VPS13B: variants seen among roughly 807,000 people sequenced by gnomAD.
VPS13B encodes the protein vacuolar protein sorting 13 homolog B.
A neutral mutation model predicts 426.4 loss-of-function variants in VPS13B; 285 were observed. The observed-to-expected ratio is 0.67, with a 90% CI of 0.61 to 0.74. The LOEUF (loss-of-function observed/expected upper bound fraction) is 0.74, where lower values mean the gene tolerates loss of function less well. VPS13B is among the 30% of genes least tolerant of loss of function. The pLI, the probability that VPS13B is intolerant of heterozygous loss-of-function variation, is 0.00. For missense variants in VPS13B, 4,537 were observed against 4,782.6 expected, an observed-to-expected ratio of 0.95 and a Z score of 1.51; for synonymous variants, 1,676 against 1,676.4, an observed-to-expected ratio of 1.00 and a Z score of 0.01.
intron 33 of VPS13B, among the ~76,000 whole-genome samples, chr8:99,633,751 TTTC>T (rs1321172333): frequency 7.9e-5 from 12 of 151,504 alleles, no homozygotes; most frequent in African/African-American, 2.9e-4. Context: ...CAGGTTGTTG[TTTC>T]TTATGTAGAG....
At position 99,511,431 on chromosome 8, in the gene VPS13B, A is replaced by G. The variant is rs760899771; in HGVS notation, c.4552A>G (p.Asn1518Asp). ...GAGGACCCATACACTGACATCCCGC[A>G]ATTTACCTTTGATTTATGTCAACAC... ...PMRTHTLTSR[N>D]LPLIYVNTSV... Residue 1518 changes from asparagine (N) to aspartate (D), a missense_variant, in exon 29 of 62, where the codon AAT (asparagine) becomes GAT (aspartate). Physicochemically the swap from Asn to Asp is conservative, Grantham distance 23 (BLOSUM62 1). Coordinates refer to ENST00000357162, the MANE Select transcript of VPS13B (RefSeq NM_152564.5). The G allele has an allele frequency of 2.5e-6, 4 of 1,613,410 alleles. No homozygotes were observed. The highest frequency in any genetic ancestry group is 3.4e-6 in the Non-Finnish European group (4 of 1,179,894).
rs546463965 is a variant in VPS13B at position 99,294,154 on chromosome 8, T to C, written c.2824+18900T>C. 4.5e-5 allele frequency among the ~76,000 whole-genome samples: 3 copies of C among 66,330 alleles called. 1 individual carries two copies. The East Asian group carries it at 8.0e-4, about 18-fold the overall frequency. 43.5% of individuals were successfully genotyped at this position (66,330 alleles called of 152,430 possible). The stretch of plus-strand genomic sequence containing the variant: ...TGGAACCAACCCAAATGTCCAACAA[T>C]GATAGACTGGATTAAGAAAATATGG... On this transcript the variant is annotated intron_variant, in intron 19 of 61. Coordinates refer to ENST00000357162, the MANE Select transcript of VPS13B (RefSeq NM_152564.5).
chr8:99,183,566 G>A (rs1157863541), intron 16 of VPS13B, among the ~76,000 whole-genome samples: 1 of 152,006 alleles, frequency 6.6e-6, no homozygotes, highest in Non-Finnish European at 1.5e-5. Flanking sequence ...GTGTAGCATC[G>A]AATAGTATCT....
At chr8:99,035,821 A>C (rs1298192340) in intron 2 of VPS13B, among the ~76,000 whole-genome samples, 1 of 152,066 alleles carries the variant, frequency 6.6e-6, no homozygotes, top group African/African-American at 2.4e-5. Flanking sequence ...CTCAACACTT[A>C]CTATGTTTTT....
chr8:99,272,331 C>G (rs770781347), intron 17 of VPS13B, among the ~76,000 whole-genome samples: 8 of 152,126 alleles, frequency 5.3e-5, no homozygotes, highest in Non-Finnish European at 1.2e-4. Context: ...CTAGATCTTT[C>G]ACATAGCAAC....
intron 24 of VPS13B, among the ~76,000 whole-genome samples, chr8:99,478,939 G>A (rs946526994): frequency 1.3e-5 from 2 of 151,832 alleles, no homozygotes; most frequent in African/African-American, 2.4e-5. Flanking sequence ...AGAGCTCTCT[G>A]CATTGTTCAA....
intron 24 of VPS13B, among the ~76,000 whole-genome samples, chr8:99,472,123 A>C (rs892360341): frequency 1.3e-5 from 2 of 152,150 alleles, no homozygotes; most frequent in Admixed American, 1.3e-4. Flanking sequence ...AACAGAATTA[A>C]GGGAAAAAGA....
intron 21 of VPS13B, among the ~76,000 whole-genome samples, chr8:99,404,764 A>G (rs1815236571): frequency 6.6e-6 from 1 of 152,200 alleles, no homozygotes; most frequent in Non-Finnish European, 1.5e-5. Context: ...AAAACACCTA[A>G]GTTTTTATCT....
chr8:99,087,994 G>A (rs977194622), intron 3 of VPS13B, among the ~76,000 whole-genome samples: 1 of 151,852 alleles, frequency 6.6e-6, no homozygotes, highest in African/African-American at 2.4e-5. Context: ...GACCAGCCTG[G>A]CCAATATGGT....
chr8:99,164,764 C>G (rs1263603825), intron 15 of VPS13B, among the ~76,000 whole-genome samples: 4 of 151,970 alleles, frequency 2.6e-5, no homozygotes, highest in African/African-American at 9.7e-5. Context: ...CTGTGTCTGT[C>G]CCTCTTTCTC....
In VPS13B at chr8:99,114,701, T is replaced by C. The variant is rs1286760377; in HGVS notation, c.763-999T>C. On this transcript the variant is annotated intron_variant, in intron 6 of 61. Coordinates refer to ENST00000357162, the MANE Select transcript of VPS13B (RefSeq NM_152564.5). ...AAAGCTTGTGCTCATATTTGAAATATGGTATTTCACAGTCCCCCCATATAG... is the reference window on the plus strand; with the variant it reads ...AAAGCTTGTGCTCATATTTGAAATACGGTATTTCACAGTCCCCCCATATAG... 2.6e-5 allele frequency among the ~76,000 whole-genome samples: 4 copies of C among 152,368 alleles called. No individual in the cohort carries two copies. The East Asian group carries it at 5.8e-4, about 22-fold the overall frequency.
intron 39 of VPS13B, among the ~76,000 whole-genome samples, chr8:99,757,164 C>A (rs996544506): frequency 4.6e-5 from 7 of 152,152 alleles, no homozygotes; most frequent in African/African-American, 1.7e-4. Flanking sequence ...CAATTTGGCA[C>A]CCTGGGAAGT....
intron 25 of VPS13B, among the ~76,000 whole-genome samples, chr8:99,500,701 A>G (rs893643629): frequency 6.6e-6 from 1 of 152,186 alleles, no homozygotes; most frequent in African/African-American, 2.4e-5. Context: ...TTCAGAGTAT[A>G]TGGGTTTAAG....
At chr8:99,506,091 G>A (rs547411840) in intron 27 of VPS13B, among the ~76,000 whole-genome samples, 27 of 152,010 alleles carry the variant, frequency 1.8e-4, no homozygotes, top group African/African-American at 4.6e-4. Context: ...TGCTGTATAC[G>A]TCCCATCCAT....
intron 19 of VPS13B, among the ~76,000 whole-genome samples, chr8:99,352,422 A>C (rs1311078190): frequency 2.0e-5 from 3 of 152,184 alleles, no homozygotes; most frequent in Non-Finnish European, 4.4e-5. Context: ...CTTATGTCAT[A>C]AATAGTCCCA....
At chr8:99,548,733 G>GA (rs1824119468) in intron 30 of VPS13B, among the ~76,000 whole-genome samples, 1 of 151,646 alleles carries the variant, frequency 6.6e-6, no homozygotes, top group Non-Finnish European at 1.5e-5. Flanking sequence ...CAAGTTGAGG[G>GA]AAAAAATCCT....
intron 13 of VPS13B, among the ~76,000 whole-genome samples, chr8:99,145,628 C>G (rs1381974262): frequency 7.9e-6 from 1 of 126,922 alleles, no homozygotes; most frequent in African/African-American, 2.7e-5. Flanking sequence ...GAGACTCATT[C>G]AAGTTGTTGC....
intron 32 of VPS13B, among the ~76,000 whole-genome samples, chr8:99,576,793 T>A (rs1354743509): frequency 6.6e-6 from 1 of 152,144 alleles, no homozygotes; most frequent in Non-Finnish European, 1.5e-5. Context: ...AGTGACTAGG[T>A]TTTGCAGAAC....
intron 19 of VPS13B, among the ~76,000 whole-genome samples, chr8:99,359,935 T>TG (rs1429472047): frequency 6.6e-6 from 1 of 152,106 alleles, no homozygotes; most frequent in East Asian, 1.9e-4. Context: ...TCCAAGTAAC[T>TG]GGGACTACAG....
Sources: allele counts gnomAD v4.1 joint callset (sites outside exome capture counted in the v4.1 genomes callset), GRCh38; gene constraint gnomAD v4.1.1; transcripts MANE v1.5; gene names NCBI Gene and HGNC (gene_info 2026-07-23, HGNC 2026-07-21).